The following TPD52 variants were observed in gnomAD, a reference collection of about 807,000 sequenced individuals.
The protein encoded by TPD52 is tumor protein D52.
TPD52 carries 17 observed loss-of-function variants against 31.3 expected under a neutral mutation model. The observed-to-expected ratio is 0.54, with a 90% CI of 0.37 to 0.82. TPD52 has a LOEUF of 0.82. TPD52 is among the 40% of genes least tolerant of loss of function. TPD52 has a pLI of 0.00. For synonymous variants in TPD52, 83 were observed against 89.6 expected (o/e 0.93, Z 0.42); for missense variants, 212 against 240.1 (o/e 0.88, Z 0.77).
chr8:80,031,754 G>A (rs1809699261), downstream of TPD52, among the ~76,000 whole-genome samples: 1 of 152,160 alleles, frequency 6.6e-6, no homozygotes, highest in African/African-American at 2.4e-5. Flanking sequence ...CTACTTGGGA[G>A]GCTGATGGAG....
intron 1 of TPD52, among the ~76,000 whole-genome samples, chr8:80,140,125 A>ATG (rs1809725598): frequency 2.0e-5 from 3 of 152,236 alleles, no homozygotes; most frequent in African/African-American, 4.8e-5. Context: ...CGATGCCTGC[A>ATG]TAAATGCTTT....
In TPD52 at chr8:80,036,027, A is replaced by C. The variant is rs934743797; in HGVS notation, c.*2089T>G. ...CTTCTTTCAAGGGGCAGAGTACTTT[A>C]CAGTAGATTACTTTGTTTCTTAGAT... On this transcript the variant is annotated 3_prime_UTR_variant, in exon 8 of 8. Transcript: ENST00000518937. The C allele has an allele frequency of 1.3e-5, 2 of 152,206 alleles. No homozygotes were observed. Among genetic ancestry groups the C allele is most frequent in the African/African-American group, 4.8e-5 (2 of 41,446 alleles). The allele number at this position is 152,206 out of a possible 1,614,324, so 9.4% of individuals were successfully genotyped here.
chr8:80,165,559 A>C (rs1811657783), intron 1 of TPD52, among the ~76,000 whole-genome samples: 1 of 152,206 alleles, frequency 6.6e-6, no homozygotes, highest in Non-Finnish European at 1.5e-5. Context: ...CTGAAAGCAG[A>C]AGATGAAGCT....
chr8:80,171,553 TC>T lies in TPD52; in HGVS notation c.-111del. 4.5e-6 allele frequency: 6 copies of T among 1,329,656 alleles called. No homozygotes were observed. Among genetic ancestry groups the T allele is most frequent in the Non-Finnish European group, 5.8e-6 (6 of 1,031,902 alleles). The allele number at this position is 1,329,656 out of a possible 1,614,324, so 82.4% of individuals were successfully genotyped here. On this transcript the variant is annotated 5_prime_UTR_variant, in exon 1 of 8. Transcript: ENST00000518937. ...GCTCCTCCTCGCCTCCGCCGGCGACTCCCGCGAAGTCCCCACCCCCAGAGGC... is the reference window on the plus strand; with the variant it reads ...GCTCCTCCTCGCCTCCGCCGGCGACTCCGCGAAGTCCCCACCCCCAGAGGC...
At chr8:80,145,764 T>A (rs1308363057) in intron 1 of TPD52, among the ~76,000 whole-genome samples, 2 of 152,164 alleles carry the variant, frequency 1.3e-5, no homozygotes, top group Non-Finnish European at 2.9e-5. Flanking sequence ...AATAGCAGCA[T>A]TTTCACTTGT....
At chr8:80,101,176 G>A (rs1455076367) in intron 1 of TPD52, among the ~76,000 whole-genome samples, 2 of 152,204 alleles carry the variant, frequency 1.3e-5, no homozygotes, top group Non-Finnish European at 2.9e-5. Flanking sequence ...GGCCGGGCGC[G>A]GTGGCTCACG....
At chr8:80,126,788 TTTA>T (rs1251052417) in intron 1 of TPD52, among the ~76,000 whole-genome samples, 1 of 152,110 alleles carries the variant, frequency 6.6e-6, no homozygotes, top group African/African-American at 2.4e-5. Context: ...CAGCCAAAAG[TTTA>T]TAATTTTGAT....
intron 1 of TPD52, among the ~76,000 whole-genome samples, chr8:80,102,810 C>T (rs1806839436): frequency 6.6e-6 from 1 of 152,112 alleles, no homozygotes; most frequent in Non-Finnish European, 1.5e-5. Flanking sequence ...AGTCCCACTC[C>T]CAACTTGTTG....
chr8:80,170,926 C>T (rs1012788380), intron 1 of TPD52: 3 of 306,262 alleles, frequency 9.8e-6, no homozygotes, highest in Admixed American at 4.9e-5. Flanking sequence ...GCCTCCCAAA[C>T]CCCCCATGGG....
intron 1 of TPD52, among the ~76,000 whole-genome samples, chr8:80,146,029 G>C (rs1228540922): frequency 2.6e-5 from 4 of 152,146 alleles, no homozygotes; most frequent in Non-Finnish European, 5.9e-5. Flanking sequence ...AATTAAAAAG[G>C]GTAATGCTAG....
intron 1 of TPD52, among the ~76,000 whole-genome samples, chr8:80,076,879 C>T (rs1280895269): frequency 6.6e-6 from 1 of 152,144 alleles, no homozygotes; most frequent in African/African-American, 2.4e-5. Flanking sequence ...ACCATGATGG[C>T]TGGTCACAAA....
intron 1 of TPD52, among the ~76,000 whole-genome samples, chr8:80,127,066 G>A (rs914155524): frequency 1.3e-5 from 2 of 151,676 alleles, no homozygotes; most frequent in African/African-American, 4.9e-5. Flanking sequence ...CTGAGATCAT[G>A]CCACTGTATT....
intron 6 of TPD52, chr8:80,042,919 T>C (rs1810520829): frequency 2.9e-6 from 1 of 346,066 alleles, no homozygotes; most frequent in Non-Finnish European, 5.3e-6. Flanking sequence ...AATATAGATA[T>C]GGTCAAGTAC....
chr8:80,076,298 T>C (rs1814523656), intron 1 of TPD52, among the ~76,000 whole-genome samples: 1 of 152,162 alleles, frequency 6.6e-6, no homozygotes, highest in Non-Finnish European at 1.5e-5. Flanking sequence ...ATGTGGTACA[T>C]ATATGCCATG....
At chr8:80,092,065 C>T (rs1816317168) in intron 1 of TPD52, among the ~76,000 whole-genome samples, 1 of 152,088 alleles carries the variant, frequency 6.6e-6, no homozygotes, top group Admixed American at 6.5e-5. Context: ...TATATGGGGG[C>T]ACAAATATGA....
chr8:80,107,938 A>G (rs1586314005), intron 1 of TPD52, among the ~76,000 whole-genome samples: 2 of 152,326 alleles, frequency 1.3e-5, no homozygotes, highest in Non-Finnish European at 2.9e-5. Flanking sequence ...CCAACCTAAG[A>G]GGAAAATGTG....
intron 1 of TPD52, among the ~76,000 whole-genome samples, chr8:80,096,818 A>C (rs1816776903): frequency 6.6e-6 from 1 of 152,150 alleles, no homozygotes; most frequent in African/African-American, 2.4e-5. Flanking sequence ...ATTTGATGAG[A>C]CACAACAATA....
At chr8:80,063,525 T>C (rs1812774916) in intron 2 of TPD52, among the ~76,000 whole-genome samples, 2 of 152,174 alleles carry the variant, frequency 1.3e-5, no homozygotes, top group South Asian at 4.1e-4. Flanking sequence ...ATTATACTCG[T>C]TAATTTTTTT....
intron 1 of TPD52, among the ~76,000 whole-genome samples, chr8:80,119,480 G>A (rs1263031848): frequency 6.6e-6 from 1 of 152,182 alleles, no homozygotes; most frequent in Non-Finnish European, 1.5e-5. Context: ...CTATCCCATT[G>A]TAAACTTCTA....
Sources: gnomAD v4.1 joint callset for allele counts (sites outside exome capture counted in the v4.1 genomes callset) on GRCh38, gnomAD v4.1.1 for gene constraint, MANE v1.5 for transcripts, NCBI Gene and HGNC (gene_info 2026-07-23, HGNC 2026-07-21) for gene names.